CNTNAP2: variants seen among roughly 807,000 people sequenced by gnomAD.
The protein encoded by CNTNAP2 is contactin associated protein 2, also known as contactin-associated protein-like 2.
In CNTNAP2, 98 loss-of-function variants were observed where a neutral mutation model predicts 155.2. That is an observed-to-expected ratio of 0.63 (90% confidence interval 0.54 to 0.75). CNTNAP2 has a LOEUF of 0.75. Among genes scored for constraint, CNTNAP2 ranks in the 30% least tolerant of loss-of-function variants. The probability of loss-of-function intolerance (pLI) is 0.00; values close to 1 mark genes in which losing one functional copy is unlikely to be tolerated. For synonymous variants in CNTNAP2, 651 were observed against 631.2 expected (o/e 1.03, Z -0.47); for missense variants, 1,727 against 1,688.1 (o/e 1.02, Z -0.40).
At chr7:146,149,211 AT>A (rs962107089) in intron 1 of CNTNAP2, among the ~76,000 whole-genome samples, 21 of 152,272 alleles carry the variant, frequency 1.4e-4, no homozygotes, top group African/African-American at 3.6e-4. Flanking sequence ...ACAAAAAAAA[AT>A]ATGGTATCTT....
At position 147,152,583 on chromosome 7, in the gene CNTNAP2, A is replaced by G. The variant is rs527277403; in HGVS notation, c.1348+20074A>G. ...TGATCTTGGTAGTACGAAAACAAAA[A>G]GGACAATAATCAATACCTCAAGTAA... On this transcript the variant is annotated intron_variant, in intron 8 of 23. Coordinates refer to ENST00000361727, the MANE Select transcript of CNTNAP2 (RefSeq NM_014141.6). Among the ~76,000 whole-genome samples, 13 of 152,244 alleles carry G rather than the reference A, an allele frequency of 8.5e-5. No homozygotes were observed. In the South Asian group the frequency reaches 2.7e-3, roughly 32 times the overall value.
chr7:146,352,493 C>A (rs941481022), intron 1 of CNTNAP2, among the ~76,000 whole-genome samples: 1 of 151,980 alleles, frequency 6.6e-6, no homozygotes, highest in Non-Finnish European at 1.5e-5. Flanking sequence ...ATAAGCCTAA[C>A]AGTCATAGAA....
chr7:146,483,549 G>T (rs1168194319), intron 1 of CNTNAP2, among the ~76,000 whole-genome samples: 1 of 149,452 alleles, frequency 6.7e-6, no homozygotes, highest in Non-Finnish European at 1.5e-5. Flanking sequence ...CCTAGTAATC[G>T]GGAGTTTTGG....
chr7:147,931,663 A>C (rs1173751762), intron 14 of CNTNAP2, among the ~76,000 whole-genome samples: 2 of 152,200 alleles, frequency 1.3e-5, no homozygotes, highest in Non-Finnish European at 2.9e-5. Flanking sequence ...CATTGCCAGA[A>C]TGCCTAGGAA....
At chr7:147,260,941 T>C (rs1236459184) in intron 8 of CNTNAP2, among the ~76,000 whole-genome samples, 1 of 152,192 alleles carries the variant, frequency 6.6e-6, no homozygotes, top group Non-Finnish European at 1.5e-5. Context: ...CAATCAGCGT[T>C]ATAATATGTT....
chr7:146,737,211 A>C (rs1398316592), intron 1 of CNTNAP2, among the ~76,000 whole-genome samples: 1 of 152,182 alleles, frequency 6.6e-6, no homozygotes, highest in African/African-American at 2.4e-5. Flanking sequence ...TTTGATATAT[A>C]TGTACATTGT....
At chr7:147,621,043 G>T (rs1218123042) in intron 12 of CNTNAP2, among the ~76,000 whole-genome samples, 2 of 152,162 alleles carry the variant, frequency 1.3e-5, no homozygotes, top group South Asian at 4.1e-4. Context: ...AGACTTTTCA[G>T]TTGAAACCTT....
intron 17 of CNTNAP2, among the ~76,000 whole-genome samples, chr7:148,162,969 G>A (rs1486601248): frequency 1.3e-5 from 2 of 152,300 alleles, no homozygotes; most frequent in South Asian, 2.1e-4. Flanking sequence ...CACTGCACTC[G>A]GCCTGAGCCA....
At chr7:147,008,558 A>G (rs1022879036) in intron 3 of CNTNAP2, among the ~76,000 whole-genome samples, 1 of 150,656 alleles carries the variant, frequency 6.6e-6, no homozygotes, top group Non-Finnish European at 1.5e-5. Flanking sequence ...CAAACAAAAT[A>G]AAAAAAACAG....
chr7:147,597,740 G>C (rs539829352), intron 12 of CNTNAP2, among the ~76,000 whole-genome samples: 1 of 152,174 alleles, frequency 6.6e-6, no homozygotes, highest in African/African-American at 2.4e-5. Flanking sequence ...TTCTTAAAAA[G>C]CACTTGGGGC....
intron 10 of CNTNAP2, among the ~76,000 whole-genome samples, chr7:147,416,478 C>G (rs1797195882): frequency 6.6e-6 from 1 of 152,212 alleles, no homozygotes; most frequent in African/African-American, 2.4e-5. Context: ...ACCATCAGAA[C>G]CAATACAACT....
intron 21 of CNTNAP2, among the ~76,000 whole-genome samples, chr7:148,282,247 A>G (rs1170168877): frequency 6.6e-6 from 1 of 152,218 alleles, no homozygotes; most frequent in African/African-American, 2.4e-5. Flanking sequence ...TACTCTCAAT[A>G]TCTAGATAAA....
intron 1 of CNTNAP2, among the ~76,000 whole-genome samples, chr7:146,627,433 G>A (rs1181159978): frequency 6.6e-6 from 1 of 152,052 alleles, no homozygotes; most frequent in East Asian, 1.9e-4. Context: ...ATTTTGTACT[G>A]TATCTAGAAA....
chr7:147,655,973 G>C (rs1218374846), intron 13 of CNTNAP2, among the ~76,000 whole-genome samples: 1 of 152,242 alleles, frequency 6.6e-6, no homozygotes. Flanking sequence ...GGAACTTCTA[G>C]GTAACTTGCT....
intron 21 of CNTNAP2, among the ~76,000 whole-genome samples, chr7:148,308,551 GTATTTATTTATTTATT>G (rs72136288): frequency 1.8e-3 from 270 of 148,374 alleles, no homozygotes; most frequent in African/African-American, 5.2e-3. Flanking sequence ...ACCTATTTAT[GTATTTATTTATTTATT>G]TATTTATTTA....
intron 8 of CNTNAP2, among the ~76,000 whole-genome samples, chr7:147,291,111 C>T (rs180999110): frequency 4.0e-4 from 61 of 152,230 alleles, no homozygotes; most frequent in African/African-American, 1.4e-3. Context: ...TTCCCATAGA[C>T]AGCTGCTGTT....
intron 8 of CNTNAP2, chr7:147,167,391 T>G: frequency 7.8e-7 from 1 of 1,275,816 alleles, no homozygotes; most frequent in Non-Finnish European, 1.1e-6. Context: ...CAAACGTTAC[T>G]ACAACTTTGA....
At chr7:147,633,871 AGG>A (rs1795131393) in intron 12 of CNTNAP2, among the ~76,000 whole-genome samples, 1 of 152,204 alleles carries the variant, frequency 6.6e-6, no homozygotes, top group Non-Finnish European at 1.5e-5. Context: ...ACCCAGTCTT[AGG>A]TATTTATTCA....
Position 146,408,824 on chromosome 7 carries a change from T to C in CNTNAP2, c.97+291851T>C, listed in dbSNP as rs565339911. Among the ~76,000 whole-genome samples the C allele has an allele frequency of 5.9e-5, 9 of 151,946 alleles. No homozygotes were observed. In the South Asian group the frequency reaches 1.9e-3, roughly 32 times the overall value. ...CTTAATAAGCATGGAAGCATCTATG[T>C]AGATATTTGAAATAATACACAGATA... On this transcript the variant is annotated intron_variant, in intron 1 of 23. Transcript: ENST00000361727.
Sources: allele counts gnomAD v4.1 joint callset (sites outside exome capture counted in the v4.1 genomes callset), GRCh38; gene constraint gnomAD v4.1.1; transcripts MANE v1.5; gene names NCBI Gene and HGNC (gene_info 2026-07-23, HGNC 2026-07-21).